Variants in WWOX observed in about 807,000 individuals in gnomAD.
WWOX encodes the protein WW domain-containing oxidoreductase.
In WWOX, 69 loss-of-function variants were observed where a neutral mutation model predicts 46.2. The ratio of observed to expected loss-of-function variants is 1.49; its 90% confidence interval spans 1.23 to 1.82. The LOEUF (loss-of-function observed/expected upper bound fraction) is 1.82, where lower values mean the gene tolerates loss of function less well. Among genes scored for constraint, WWOX ranks in the 40% most tolerant of loss-of-function variants. WWOX has a pLI of 0.00. For missense variants in WWOX, 919 were observed against 542.6 expected, an observed-to-expected ratio of 1.69 and a Z score of -6.89; for synonymous variants, 359 against 202.6, an observed-to-expected ratio of 1.77 and a Z score of -6.56.
chr16:78,628,499 C>G (rs765363298), intron 8 of WWOX, among the ~76,000 whole-genome samples: 1 of 152,190 alleles, frequency 6.6e-6, no homozygotes, highest in Non-Finnish European at 1.5e-5. Context: ...ACCCACCTAA[C>G]AGACTTGCCA....
At position 78,894,020 on chromosome 16, in the gene WWOX, T is replaced by TTTACTATTATTATTA. The variant is rs1555561418; in HGVS notation, c.1057-317585_1057-317584insCTATTATTATTATTA. On this transcript the variant is annotated intron_variant, in intron 8 of 8. Coordinates refer to ENST00000566780, the MANE Select transcript of WWOX (RefSeq NM_016373.4). ...TAGAGTAATGTCTTTTATTGAGGCT[T>TTTACTATTATTATTA]TTATTATTATTATTATTATTATTAT... Among the ~76,000 whole-genome samples, 232 of 140,078 alleles carry TTTACTATTATTATTA rather than the reference T, an allele frequency of 1.7e-3. 1 individual carries two copies. The Middle Eastern group carries it at 0.022, about 13-fold the overall frequency. The allele number at this position is 140,078 out of a possible 152,430, so 91.9% of individuals were successfully genotyped here.
At chr16:79,071,357 G>GA (rs890059896) in intron 8 of WWOX, among the ~76,000 whole-genome samples, 5 of 152,210 alleles carry the variant, frequency 3.3e-5, no homozygotes, top group African/African-American at 1.2e-4. Flanking sequence ...AAGGAAGCCA[G>GA]AAAAGCTTTT....
chr16:78,650,812 A>G (rs1037553352), intron 8 of WWOX, among the ~76,000 whole-genome samples: 2 of 152,130 alleles, frequency 1.3e-5, no homozygotes, highest in Non-Finnish European at 2.9e-5. Context: ...CAAAGGTTCC[A>G]CTGTGGATTT....
chr16:78,871,679 A>G (rs2044131816), intron 8 of WWOX, among the ~76,000 whole-genome samples: 1 of 152,134 alleles, frequency 6.6e-6, no homozygotes, highest in Non-Finnish European at 1.5e-5. Flanking sequence ...AGCTCACTGC[A>G]ACCTCTGCCT....
At chr16:78,345,298 C>A (rs2081074388) in intron 5 of WWOX, among the ~76,000 whole-genome samples, 1 of 112,234 alleles carries the variant, frequency 8.9e-6, no homozygotes, top group Non-Finnish European at 2.1e-5. Flanking sequence ...GCAAAAGTCA[C>A]AATTACTTTT....
At chr16:78,814,836 C>G (rs1273626952) in intron 8 of WWOX, among the ~76,000 whole-genome samples, 3 of 152,222 alleles carry the variant, frequency 2.0e-5, no homozygotes, top group African/African-American at 7.2e-5. Flanking sequence ...GTCATCTGCC[C>G]TTGCAAAACC....
At chr16:79,107,915 G>A (rs1456048215) in intron 8 of WWOX, among the ~76,000 whole-genome samples, 1 of 152,214 alleles carries the variant, frequency 6.6e-6, no homozygotes, top group African/African-American at 2.4e-5. Context: ...TTTGGAAAAT[G>A]ATTAGGGACA....
chr16:78,360,999 G>T (rs371930529), intron 5 of WWOX, among the ~76,000 whole-genome samples: 1 of 151,950 alleles, frequency 6.6e-6, no homozygotes, highest in East Asian at 1.9e-4. Flanking sequence ...TTTTGCATTT[G>T]TTTTATCAAG....
chr16:79,015,157 C>T (rs1263246541), intron 8 of WWOX, among the ~76,000 whole-genome samples: 1 of 152,124 alleles, frequency 6.6e-6, no homozygotes, highest in Admixed American at 6.6e-5. Context: ...GAGTACTTCT[C>T]CTGAGTTTCT....
chr16:78,751,169 A>G (rs372899624), intron 8 of WWOX, among the ~76,000 whole-genome samples: 28 of 152,124 alleles, frequency 1.8e-4, no homozygotes, highest in African/African-American at 6.3e-4. Context: ...TCAAAAGGGA[A>G]TAGTACACTA....
chr16:78,511,604 C>T (rs1465814598), intron 8 of WWOX, among the ~76,000 whole-genome samples: 4 of 152,154 alleles, frequency 2.6e-5, no homozygotes, highest in African/African-American at 4.8e-5. Context: ...TTGTTATTCT[C>T]GTTGAGTACT....
intron 8 of WWOX, among the ~76,000 whole-genome samples, chr16:78,607,478 T>C (rs139520459): frequency 7.2e-5 from 11 of 152,270 alleles, no homozygotes; most frequent in East Asian, 3.9e-4. Flanking sequence ...AAAATTGTTA[T>C]AAAGATTTTT....
chr16:79,073,033 G>C (rs936810694), intron 8 of WWOX, among the ~76,000 whole-genome samples: 4 of 152,052 alleles, frequency 2.6e-5, no homozygotes, highest in African/African-American at 9.7e-5. Context: ...ATATCTAGAC[G>C]TGTGCTAGCC....
At chr16:78,624,566 C>G (rs756752135) in intron 8 of WWOX, among the ~76,000 whole-genome samples, 2 of 152,032 alleles carry the variant, frequency 1.3e-5, no homozygotes, top group African/African-American at 2.4e-5. Flanking sequence ...TATAAACAGA[C>G]TAATCTAATA....
chr16:78,723,838 C>T (rs1180803835), intron 8 of WWOX, among the ~76,000 whole-genome samples: 1 of 151,842 alleles, frequency 6.6e-6, no homozygotes, highest in Non-Finnish European at 1.5e-5. Context: ...CAGATAACCC[C>T]CAAATTTCAG....
intron 6 of WWOX, among the ~76,000 whole-genome samples, chr16:78,410,739 G>C (rs969046312): frequency 2.0e-5 from 3 of 150,600 alleles, no homozygotes; most frequent in African/African-American, 7.4e-5. Flanking sequence ...ACAGGAGGCG[G>C]AGGTTGTGGT....
intron 8 of WWOX, among the ~76,000 whole-genome samples, chr16:78,866,228 A>G (rs1468678999): frequency 6.6e-6 from 1 of 152,136 alleles, no homozygotes; most frequent in African/African-American, 2.4e-5. Flanking sequence ...TAGCAGTGAT[A>G]TAAATCAGAG....
At chr16:78,732,923 A>G (rs1430998286) in intron 8 of WWOX, among the ~76,000 whole-genome samples, 1 of 152,156 alleles carries the variant, frequency 6.6e-6, no homozygotes, top group Admixed American at 6.5e-5. Flanking sequence ...AAGAAGTGGC[A>G]TTTATTCTGT....
chr16:78,412,578 G>C (rs1421964924), intron 6 of WWOX, among the ~76,000 whole-genome samples: 2 of 152,182 alleles, frequency 1.3e-5, no homozygotes, highest in Non-Finnish European at 2.9e-5. Flanking sequence ...TGGAGTGGTA[G>C]TGGCATTGGG....
Sources: gnomAD v4.1 joint callset for allele counts (sites outside exome capture counted in the v4.1 genomes callset) on GRCh38, gnomAD v4.1.1 for gene constraint, MANE v1.5 for transcripts, NCBI Gene and HGNC (gene_info 2026-07-23, HGNC 2026-07-21) for gene names.